Variants in PSME4 observed in about 807,000 individuals in gnomAD.
PSME4 encodes proteasome activator complex subunit 4.
A neutral mutation model predicts 253.9 loss-of-function variants in PSME4; 89 were observed. The observed-to-expected ratio is 0.35, with a 90% CI of 0.30 to 0.42. The LOEUF (loss-of-function observed/expected upper bound fraction) is 0.42, where lower values mean the gene tolerates loss of function less well. Ranked by LOEUF, PSME4 falls within the 10% of genes least tolerant of loss-of-function variation. The pLI is 1.00. For missense variants in PSME4, 2,014 were observed against 2,195.2 expected (o/e 0.92, Z 1.65); for synonymous variants, 851 against 759.2 (o/e 1.12, Z -1.99).
chr2:53,909,888 G>C (rs1667753144), intron 21 of PSME4, among the ~76,000 whole-genome samples, 187 bp downstream of exon 21: 1 of 151,976 alleles, frequency 6.6e-6, no homozygotes, highest in African/African-American at 2.4e-5. Context: ...TTTGAATCTG[G>C]GAGGCAGGGA....
At chr2:53,891,552 AT>A (rs111453700) in intron 36 of PSME4, among the ~76,000 whole-genome samples, 43,228 of 150,758 alleles carry the variant, frequency 0.29, 6,589 homozygotes, top group South Asian at 0.48. Context: ...AAAATTTTGA[AT>A]TTTTTTTTTT....
intron 20 of PSME4, among the ~76,000 whole-genome samples, chr2:53,913,151 C>T (rs1412112314): frequency 2.0e-5 from 3 of 152,096 alleles, no homozygotes; most frequent in African/African-American, 4.8e-5. Context: ...CTGTAAATAA[C>T]ACCCTCTATG....
chr2:53,970,486 G>A (rs2104498568), intron 1 of PSME4, 57 bp downstream of exon 1: 2 of 1,546,106 alleles, frequency 1.3e-6, no homozygotes, highest in South Asian at 2.4e-5. Context: ...AACCATCCCC[G>A]ACACCTCTCA....
chr2:53,876,098 T>C (rs999212975), intron 41 of PSME4, among the ~76,000 whole-genome samples: 8 of 152,176 alleles, frequency 5.3e-5, no homozygotes, highest in Non-Finnish European at 8.8e-5. Flanking sequence ...CACATAAAAC[T>C]TCGTTACAGT....
chr2:53,929,871 G>A (rs554047716), intron 10 of PSME4, among the ~76,000 whole-genome samples: 74 of 151,708 alleles, frequency 4.9e-4, no homozygotes, highest in Non-Finnish European at 8.5e-4. Flanking sequence ...TACAAAAATT[G>A]GCTGGGCATG....
intron 7 of PSME4, among the ~76,000 whole-genome samples, chr2:53,935,664 T>C (rs1669070556): frequency 6.6e-6 from 1 of 152,190 alleles, no homozygotes; most frequent in African/African-American, 2.4e-5. Context: ...ACTTTCCAAA[T>C]TACTTTGACA....
chr2:53,868,532 A>T (rs865847879), intron 44 of PSME4, among the ~76,000 whole-genome samples: 1 of 52,610 alleles, frequency 1.9e-5, no homozygotes, highest in African/African-American at 6.0e-5. Flanking sequence ...AATATATATA[A>T]TATATATTAT....
At chr2:53,954,536 C>T (rs1670147464) in intron 1 of PSME4, among the ~76,000 whole-genome samples, 1 of 151,984 alleles carries the variant, frequency 6.6e-6, no homozygotes, top group Admixed American at 6.6e-5. Context: ...TCTAGCAATA[C>T]TATCTTGAGT....
chr2:53,939,410 C>T (rs1669277041), intron 4 of PSME4, among the ~76,000 whole-genome samples: 2 of 152,068 alleles, frequency 1.3e-5, no homozygotes, highest in South Asian at 4.1e-4. Flanking sequence ...ATTTTATCCA[C>T]ACTCATCTTT....
intron 17 of PSME4, 87 bp from the exon 18 acceptor site, chr2:53,921,191 A>C: frequency 6.4e-7 from 1 of 1,562,556 alleles, no homozygotes; most frequent in South Asian, 1.2e-5. Context: ...TTTGGCCACT[A>C]ACCTAGTGTT....
At chr2:53,940,164 T>C (rs1054782265) in intron 3 of PSME4, among the ~76,000 whole-genome samples, 164 bp from the exon 4 acceptor site, 10 of 152,130 alleles carry the variant, frequency 6.6e-5, no homozygotes, top group Non-Finnish European at 1.2e-4. Context: ...AAGGATTAAC[T>C]ACCTAAACTC....
At chr2:53,943,008 T>A (rs1010238350) in intron 3 of PSME4, among the ~76,000 whole-genome samples, 15 of 152,186 alleles carry the variant, frequency 9.9e-5, no homozygotes, top group Non-Finnish European at 1.9e-4. Flanking sequence ...GGAAAACCAA[T>A]AGTCTTCGCC....
chr2:53,958,355 C>CAAAAA (rs1016770739), intron 1 of PSME4, among the ~76,000 whole-genome samples: 1 of 139,376 alleles, frequency 7.2e-6, no homozygotes, highest in Non-Finnish European at 1.6e-5. Flanking sequence ...GACTCCATCT[C>CAAAAA]AAAAAAAACA....
intron 3 of PSME4, among the ~76,000 whole-genome samples, chr2:53,946,431 C>T (rs1669703618): frequency 6.6e-6 from 1 of 152,186 alleles, no homozygotes; most frequent in Non-Finnish European, 1.5e-5. Context: ...GCCATACCAC[C>T]CTGAATGTGC....
Position 53,919,185 on chromosome 2 carries a change from G to C in PSME4, c.2482C>G (p.Leu828Val), listed in dbSNP as rs1200942203. The change falls in exon 20 of 47, where the codon CTA becomes GTA. Residue 828 changes from leucine (L) to valine (V), a missense_variant. Coordinates refer to ENST00000404125, the MANE Select transcript of PSME4 (RefSeq NM_014614.3). ...ACTGGCTCTCCTTTCAACGGAGGTAGGAGGTTTCCAGAGCCAATTAAACAG... is the reference window on the plus strand; with the variant it reads ...ACTGGCTCTCCTTTCAACGGAGGTACGAGGTTTCCAGAGCCAATTAAACAG... ...HNCLIGSGNL[L>V]PPLKGEPVTN... 1 of 1,612,436 alleles carries C rather than the reference G, an allele frequency of 6.2e-7. No individual in the cohort carries two copies. Among genetic ancestry groups the C allele is most frequent in the Non-Finnish European group, 8.5e-7 (1 of 1,179,408 alleles).
chr2:53,941,732 T>C (rs980745261), intron 3 of PSME4, among the ~76,000 whole-genome samples: 13 of 152,132 alleles, frequency 8.5e-5, no homozygotes, highest in Non-Finnish European at 1.8e-4. Context: ...TAAAAGGTAA[T>C]TCTAAAATTG....
intron 21 of PSME4, among the ~76,000 whole-genome samples, chr2:53,909,269 T>C (rs781766184): frequency 1.9e-4 from 29 of 152,222 alleles, no homozygotes; most frequent in Non-Finnish European, 3.5e-4. Context: ...AATTAATGTA[T>C]GTAACTTTGG....
chr2:53,933,476 C>G (rs191873244), intron 8 of PSME4, among the ~76,000 whole-genome samples: 1 of 151,154 alleles, frequency 6.6e-6, no homozygotes, highest in Non-Finnish European at 1.5e-5. Context: ...ATCTCCTAGG[C>G]TCAAGCGATC....
At chr2:53,960,039 T>C (rs1379159133) in intron 1 of PSME4, among the ~76,000 whole-genome samples, 5 of 152,212 alleles carry the variant, frequency 3.3e-5, no homozygotes, top group Admixed American at 6.5e-5. Context: ...TAGAAAGCTG[T>C]CATCACTTAA....
Sources: gnomAD v4.1 joint callset for allele counts (sites outside exome capture counted in the v4.1 genomes callset) on GRCh38, gnomAD v4.1.1 for gene constraint, MANE v1.5 for transcripts, NCBI Gene and HGNC (gene_info 2026-07-23, HGNC 2026-07-21) for gene names.